Variants in MCF2L observed in about 807,000 individuals in gnomAD.
The protein encoded by MCF2L is guanine nucleotide exchange factor DBS.
In MCF2L, 97 loss-of-function variants were observed where a neutral mutation model predicts 153.4. The observed-to-expected ratio is 0.63, with a 90% CI of 0.54 to 0.75. The LOEUF (loss-of-function observed/expected upper bound fraction) is 0.75, where lower values mean the gene tolerates loss of function less well. Ranked by LOEUF, MCF2L falls within the 30% of genes least tolerant of loss-of-function variation. The pLI, the probability that MCF2L is intolerant of heterozygous loss-of-function variation, is 0.00. For synonymous variants in MCF2L, 659 were observed against 632.2 expected, an observed-to-expected ratio of 1.04 and a Z score of -0.64; for missense variants, 1,347 against 1,495.2, an observed-to-expected ratio of 0.90 and a Z score of 1.64.
rs996116296 is a variant in MCF2L, at chr13:113,054,115, A to G, written c.370-6478A>G. On this transcript the variant is annotated intron_variant, in intron 4 of 29. Coordinates refer to ENST00000535094, the MANE Select transcript of MCF2L (RefSeq NM_001112732.3). The surrounding 1 kb of genome is among the most constrained non-coding windows in gnomAD (Gnocchi z 5.2). ...ACGGCGAGCTCCCTCCCATCAATCA[A>G]TCAACAGACTGTCCTATTTTCATAG... Among the ~76,000 whole-genome samples, 22 of 152,064 alleles carry G rather than the reference A, an allele frequency of 1.4e-4. No homozygotes were observed. Among genetic ancestry groups the G allele is most frequent in the Admixed American group, 1.4e-3 (22 of 15,260 alleles).
chr13:112,918,324 G>T (rs1027968990), intron 2 of MCF2L, among the ~76,000 whole-genome samples: 1 of 152,310 alleles, frequency 6.6e-6, no homozygotes, highest in South Asian at 2.1e-4. Flanking sequence ...TCACGAGAAC[G>T]TCATTTTGGG....
rs1406979662 is a variant in MCF2L, at chr13:113,046,996, C to T, written c.369+1635C>T. The T allele has an allele frequency of 6.3e-6, 1 of 159,682 alleles. No homozygotes were observed. Among genetic ancestry groups the T allele is most frequent in the Non-Finnish European group, 1.4e-5 (1 of 73,078 alleles). The allele number at this position is 159,682 out of a possible 1,614,324, so 9.9% of individuals were successfully genotyped here. On this transcript the variant is annotated intron_variant, in intron 4 of 29. Coordinates refer to ENST00000535094, the MANE Select transcript of MCF2L (RefSeq NM_001112732.3). The surrounding 1 kb of genome is among the most constrained non-coding windows in gnomAD (Gnocchi z 4.4). Reference sequence around the variant, plus strand: ...TGCACAGGCTTAGCACCTGCATCTTCTCAGCTTCTGAGGGGGCCTCAGGGA... The same window carrying T: ...TGCACAGGCTTAGCACCTGCATCTTTTCAGCTTCTGAGGGGGCCTCAGGGA...
rs995924842 is a variant in MCF2L at position 113,097,149 on chromosome 13, C to T, written c.*290C>T. The T allele has an allele frequency of 3.5e-5, 11 of 316,248 alleles. No homozygotes were observed. Among genetic ancestry groups the T allele is most frequent in the Non-Finnish European group, 6.3e-5 (11 of 173,666 alleles). The allele number at this position is 316,248 out of a possible 1,614,324, so 19.6% of individuals were successfully genotyped here. On this transcript the variant is annotated 3_prime_UTR_variant, in exon 30 of 30. Coordinates refer to ENST00000535094, the MANE Select transcript of MCF2L (RefSeq NM_001112732.3). ...TCGTCCTGGCTCCACCGTGCTGCTT[C>T]TGCCTCTGGACGGTGCTTTCAGGGG...
intron 3 of MCF2L, among the ~76,000 whole-genome samples, chr13:113,025,700 G>A (rs1261383922): frequency 8.0e-6 from 1 of 124,262 alleles, no homozygotes. Context: ...TGGGGTCCCC[G>A]TGACTGTGGG....
chr13:112,973,011 G>A (rs1445182380), intron 1 of MCF2L, among the ~76,000 whole-genome samples: 1 of 151,772 alleles, frequency 6.6e-6, no homozygotes, highest in Admixed American at 6.6e-5. Flanking sequence ...CAGCTGTTCG[G>A]CACCCCCCAG....
Position 113,074,377 on chromosome 13 carries a change from C to A in MCF2L, c.997-67C>A. Reference sequence around the variant, plus strand: ...TCTGTCATTTCCCTGATCTGGAGCACTGGAGTGGGTTCTCTCTGTTCAGGT... The same window carrying A: ...TCTGTCATTTCCCTGATCTGGAGCAATGGAGTGGGTTCTCTCTGTTCAGGT... On this transcript the variant is annotated intron_variant, in intron 9 of 29. Transcript: ENST00000535094. The surrounding 1 kb of genome is among the most constrained non-coding windows in gnomAD (Gnocchi z 4.2). 2 of 1,572,182 alleles carry A rather than the reference C, an allele frequency of 1.3e-6. No homozygotes were observed. The highest frequency in any genetic ancestry group is 1.7e-6 in the Non-Finnish European group (2 of 1,145,782).
At chr13:113,018,932 G>A (rs891824207) in intron 2 of MCF2L, among the ~76,000 whole-genome samples, 1 of 152,222 alleles carries the variant, frequency 6.6e-6, no homozygotes, top group African/African-American at 2.4e-5. Flanking sequence ...CAGCCATCCA[G>A]GAACCTGGAT....
At chr13:113,033,211 C>A (rs1447468087) in intron 3 of MCF2L, among the ~76,000 whole-genome samples, 16 of 124,786 alleles carry the variant, frequency 1.3e-4, no homozygotes, top group Non-Finnish European at 8.3e-5. Context: ...GAGTGGCCCC[C>A]GTGACATGAG....
upstream of MCF2L, chr13:112,968,534 G>A (rs1171973163): frequency 6.4e-7 from 1 of 1,562,234 alleles, no homozygotes; most frequent in East Asian, 2.4e-5. Context: ...CCTTGGGCAG[G>A]CGATGCCCCT....
rs564375405 is a variant in MCF2L, at chr13:112,979,612, C to T, written c.79+10154C>T. The T allele has an allele frequency of 1.2e-5, 20 of 1,608,266 alleles. No individual in the cohort carries two copies. In the Admixed American group the frequency reaches 1.3e-4, roughly 11 times the overall value. On this transcript the variant is annotated intron_variant, in intron 1 of 29. Transcript: ENST00000535094. ...ATCAGGGGGTCGCCTGTGGTCCCTG[C>T]GTGAAGAACCAGAGCTGCCTCCGCT...
At position 113,064,822 on chromosome 13, in the gene MCF2L, C is replaced by T. The variant is rs973990748; in HGVS notation, c.607-114C>T. On this transcript the variant is annotated intron_variant, in intron 6 of 29. Transcript: ENST00000535094. The surrounding 1 kb of genome is among the most constrained non-coding windows in gnomAD (Gnocchi z 6.0). The stretch of plus-strand genomic sequence containing the variant: ...GGGCGTTCACCGTCTTTGCGTCAGC[C>T]GGTCTCACCTGATGGGTCTGTGTGG... The T allele has an allele frequency of 1.2e-5, 15 of 1,205,864 alleles. No individual in the cohort carries two copies. Among genetic ancestry groups the T allele is most frequent in the South Asian group, 1.5e-5 (1 of 65,666 alleles). 74.7% of individuals were successfully genotyped at this position (1,205,864 alleles called of 1,614,324 possible).
intron 2 of MCF2L, among the ~76,000 whole-genome samples, chr13:112,950,800 A>C (rs975504577): frequency 6.6e-6 from 1 of 152,254 alleles, no homozygotes; most frequent in African/African-American, 2.4e-5. Flanking sequence ...TATAGTAGAC[A>C]ACACTTAGGA....
intron 2 of MCF2L, among the ~76,000 whole-genome samples, chr13:112,928,106 CT>C (rs986193674): frequency 2.3e-4 from 35 of 152,286 alleles, no homozygotes; most frequent in African/African-American, 6.5e-4. Flanking sequence ...AAGTCATTAC[CT>C]TTTAGGAATG....
chr13:113,017,800 G>A (rs1006715553), intron 2 of MCF2L, among the ~76,000 whole-genome samples: 42 of 152,210 alleles, frequency 2.8e-4, no homozygotes, highest in African/African-American at 9.9e-4. Context: ...GAGCCCACAG[G>A]TCGACACCCC....
chr13:113,019,051 G>T (rs1381990520), intron 2 of MCF2L, among the ~76,000 whole-genome samples: 1 of 152,062 alleles, frequency 6.6e-6, no homozygotes, highest in Non-Finnish European at 1.5e-5. Context: ...AAGAACGCTG[G>T]AGACCTTCGT....
chr13:112,897,960 C>T (rs369060919), intron 1 of MCF2L, among the ~76,000 whole-genome samples: 27 of 152,256 alleles, frequency 1.8e-4, no homozygotes, highest in African/African-American at 6.3e-4. Flanking sequence ...CCTGGAGGTG[C>T]CATGTGGCCC....
In MCF2L at chr13:113,089,611, C is replaced by T; in HGVS notation, c.2836C>T (p.Pro946Ser). 2 of 1,597,440 alleles carry T rather than the reference C, an allele frequency of 1.3e-6. No individual in the cohort carries two copies. The highest frequency in any genetic ancestry group is 1.7e-6 in the Non-Finnish European group (2 of 1,165,156). ...TTTTGATTTGTCTGATGTCATCAGT[C>T]CCTCAAGAGGAAACTCAAGGAACAT... The part of the protein sequence containing the change: ...LPLPAPTSTS[P>S]SRGNSRNIKK... Residue 946 changes from proline (P) to serine (S), a missense_variant and splice_region_variant, in exon 26 of 30, where the codon CCC (proline) becomes TCC (serine). Around this residue, in one of 3 missense-constraint regions of MCF2L, gnomAD observed 383 missense variants for 335.4 expected, o/e 1.14. Transcript: ENST00000535094.
At chr13:113,073,400 G>GT (rs1436139192) in intron 9 of MCF2L, among the ~76,000 whole-genome samples, 1 of 152,136 alleles carries the variant, frequency 6.6e-6, no homozygotes, top group African/African-American at 2.4e-5. Flanking sequence ...CCATAACTCA[G>GT]TGGCTGTGCG....
intron 15 of MCF2L, 31 bp downstream of exon 15, chr13:113,078,770 G>A (rs2033792038): frequency 1.3e-6 from 2 of 1,569,968 alleles, no homozygotes; most frequent in Admixed American, 1.8e-5. Flanking sequence ...TCCTCACAGG[G>A]GCCCTCCGAC....
Sources: allele counts gnomAD v4.1 joint callset (sites outside exome capture counted in the v4.1 genomes callset), GRCh38; gene constraint gnomAD v4.1.1; regional missense constraint gnomAD v4.1.1; non-coding constraint Gnocchi (gnomAD v3.1); transcripts MANE v1.5; gene names NCBI Gene and HGNC (gene_info 2026-07-23, HGNC 2026-07-21).